TMEM144: variants seen among roughly 807,000 people sequenced by gnomAD.
TMEM144 encodes transmembrane protein 144.
In TMEM144, 39 loss-of-function variants were observed where a neutral mutation model predicts 43.6. The ratio of observed to expected loss-of-function variants is 0.90; its 90% confidence interval spans 0.69 to 1.17. The LOEUF is 1.17. TMEM144 is among the 50% of genes most tolerant of loss of function. The pLI, the probability that TMEM144 is intolerant of heterozygous loss-of-function variation, is 0.00. For missense variants in TMEM144, 417 were observed against 411.9 expected, an observed-to-expected ratio of 1.01 and a Z score of -0.11; for synonymous variants, 154 against 133.6, an observed-to-expected ratio of 1.15 and a Z score of -1.06.
intron 8 of TMEM144, among the ~76,000 whole-genome samples, chr4:158,236,365 T>G (rs951342872): frequency 6.6e-6 from 1 of 152,176 alleles, no homozygotes; most frequent in African/African-American, 2.4e-5. Flanking sequence ...AAACAAAAAA[T>G]TTTTTCAAAT....
intron 12 of TMEM144, among the ~76,000 whole-genome samples, chr4:158,249,109 G>A (rs1736043305): frequency 6.6e-6 from 1 of 152,164 alleles, no homozygotes; most frequent in African/African-American, 2.4e-5. Context: ...GTTTCACAGT[G>A]TTGGCCAGGC....
At chr4:158,228,661 A>G (rs1266990823) in intron 6 of TMEM144, among the ~76,000 whole-genome samples, 1 of 152,148 alleles carries the variant, frequency 6.6e-6, no homozygotes, top group Admixed American at 6.5e-5. Context: ...AGTCCCTCGC[A>G]GGGATGTTCC....
At chr4:158,250,849 A>G (rs1736167239) in intron 12 of TMEM144, among the ~76,000 whole-genome samples, 1 of 152,176 alleles carries the variant, frequency 6.6e-6, no homozygotes, top group Non-Finnish European at 1.5e-5. Flanking sequence ...CAACTCTTGC[A>G]CCAAAAACAC....
At chr4:158,246,215 ACT>A (rs1357249871) in intron 12 of TMEM144, among the ~76,000 whole-genome samples, 1 of 152,138 alleles carries the variant, frequency 6.6e-6, no homozygotes, top group Non-Finnish European at 1.5e-5. Flanking sequence ...ATATGCAAAT[ACT>A]CTTTTATAAG....
In TMEM144 at chr4:158,212,762, T is replaced by G. The variant is rs1397280854; in HGVS notation, c.95T>G (p.Phe32Cys). 10 of 1,611,778 alleles carry G rather than the reference T, an allele frequency of 6.2e-6. No homozygotes were observed. Among genetic ancestry groups the G allele is most frequent in the Non-Finnish European group, 8.5e-6 (10 of 1,178,084 alleles). Residue 32 changes from phenylalanine (F) to cysteine (C), a missense_variant, in exon 3 of 13, where the codon TTT (phenylalanine) becomes TGT (cysteine). Coordinates refer to ENST00000296529, the MANE Select transcript of TMEM144 (RefSeq NM_018342.5). ...FGSNFVPLKK[F>C]DTGDGMFLQW... ...TCAAATTTTGTGCCACTTAAAAAAT[T>G]TGATACTGGTGATGGTAATTATTTT...
rs772423595 is a variant in TMEM144, at chr4:158,241,125, GT to G, written c.803-372del. Among the ~76,000 whole-genome samples the G allele has an allele frequency of 6.9e-3, 1,011 of 146,898 alleles. 6 individuals are homozygous for G. Among genetic ancestry groups the G allele is most frequent in the African/African-American group, 0.019 (761 of 40,472 alleles). On this transcript the variant is annotated intron_variant, in intron 10 of 12. Coordinates refer to ENST00000296529, the MANE Select transcript of TMEM144 (RefSeq NM_018342.5). Reference sequence around the variant, plus strand: ...TGGTAGTTTTACTTAAATACTACAGGTTTTTTTTTTTTCTTAGCCGTAGCAT... The same window carrying G: ...TGGTAGTTTTACTTAAATACTACAGGTTTTTTTTTTTCTTAGCCGTAGCAT...
At chr4:158,218,850 G>A (rs1273169783) in intron 5 of TMEM144, among the ~76,000 whole-genome samples, 2 of 152,116 alleles carry the variant, frequency 1.3e-5, no homozygotes, top group Admixed American at 6.5e-5. Flanking sequence ...TGGGAGGCTG[G>A]GCACGTTGGC....
At chr4:158,231,434 G>T (rs908930693) in intron 6 of TMEM144, among the ~76,000 whole-genome samples, 1 of 151,988 alleles carries the variant, frequency 6.6e-6, no homozygotes, top group African/African-American at 2.4e-5. Context: ...CGTAATTTGG[G>T]GTATCATTTT....
At chr4:158,237,738 T>G in intron 9 of TMEM144, 95 bp downstream of exon 9, 1 of 854,562 alleles carries the variant, frequency 1.2e-6, no homozygotes, top group Non-Finnish European at 1.8e-6. Context: ...GTCGATTCGA[T>G]CTTTCTTTGT....
At chr4:158,251,097 C>T (rs896931197) in intron 12 of TMEM144, among the ~76,000 whole-genome samples, 1 of 152,150 alleles carries the variant, frequency 6.6e-6, no homozygotes, top group East Asian at 1.9e-4. Context: ...ACCCATGAAC[C>T]ATTGTTATTT....
chr4:158,227,354 G>C (rs1234049590), intron 6 of TMEM144, among the ~76,000 whole-genome samples: 1 of 152,094 alleles, frequency 6.6e-6, no homozygotes, highest in Non-Finnish European at 1.5e-5. Flanking sequence ...CTGGGTTAAG[G>C]ATTTTTGATA....
intron 9 of TMEM144, among the ~76,000 whole-genome samples, chr4:158,239,543 CAG>C (rs973707604): frequency 9.2e-5 from 14 of 152,326 alleles, no homozygotes; most frequent in Admixed American, 2.6e-4. Flanking sequence ...TCATCTGCAA[CAG>C]AGATGCTGGT....
intron 6 of TMEM144, among the ~76,000 whole-genome samples, chr4:158,227,712 A>T (rs1054376527): frequency 6.6e-6 from 1 of 152,152 alleles, no homozygotes; most frequent in Non-Finnish European, 1.5e-5. Flanking sequence ...CCAAACGTCT[A>T]TGTACAGAAA....
chr4:158,248,778 T>C (rs1736021170), intron 12 of TMEM144, among the ~76,000 whole-genome samples: 1 of 152,238 alleles, frequency 6.6e-6, no homozygotes. Context: ...TTTAAAAGTC[T>C]ACAACCTACA....
In TMEM144 at chr4:158,241,501, T is replaced by C; in HGVS notation, c.803-8T>C. 2 of 1,611,472 alleles carry C rather than the reference T, an allele frequency of 1.2e-6. No homozygotes were observed. Among genetic ancestry groups the C allele is most frequent in the Non-Finnish European group, 1.7e-6 (2 of 1,177,766 alleles). On this transcript the variant is annotated splice_polypyrimidine_tract_variant and splice_region_variant and intron_variant, in intron 10 of 12. Coordinates refer to ENST00000296529, the MANE Select transcript of TMEM144 (RefSeq NM_018342.5). Reference sequence around the variant, plus strand: ...GGTCTGCAAATGTGTGTTGTCTTTGTATTTCAGGATTCCTGTCAGGAGTAC... The same window carrying C: ...GGTCTGCAAATGTGTGTTGTCTTTGCATTTCAGGATTCCTGTCAGGAGTAC...
intron 6 of TMEM144, among the ~76,000 whole-genome samples, chr4:158,228,658 C>T (rs747885662): frequency 9.2e-5 from 14 of 152,096 alleles, no homozygotes; most frequent in East Asian, 1.9e-4. Context: ...CGGAGTCCCT[C>T]GCAGGGATGT....
intron 9 of TMEM144, 23 bp downstream of exon 9, chr4:158,237,666 C>T: frequency 6.9e-7 from 1 of 1,443,086 alleles, no homozygotes; most frequent in Non-Finnish European, 9.7e-7. Flanking sequence ...AGTTATCTTA[C>T]TTTATTAATA....
At chr4:158,227,391 G>A (rs1044538116) in intron 6 of TMEM144, among the ~76,000 whole-genome samples, 2 of 152,150 alleles carry the variant, frequency 1.3e-5, no homozygotes, top group Admixed American at 6.5e-5. Context: ...TTCAGGATAC[G>A]CCATTGTTTA....
intron 1 of TMEM144, chr4:158,211,029 TG>T (rs1482441784): frequency 1.3e-5 from 2 of 152,178 alleles, no homozygotes; most frequent in Non-Finnish European, 2.9e-5. Context: ...TTGGGAAAAA[TG>T]TGCTGGATGG....
Sources: allele counts gnomAD v4.1 joint callset (sites outside exome capture counted in the v4.1 genomes callset), GRCh38; gene constraint gnomAD v4.1.1; transcripts MANE v1.5; gene names NCBI Gene and HGNC (gene_info 2026-07-23, HGNC 2026-07-21).